Variants in KPNB1 observed in about 807,000 individuals in gnomAD.
KPNB1 encodes karyopherin subunit beta 1.
KPNB1 carries 7 observed loss-of-function variants against 113.0 expected under a neutral mutation model. The ratio of observed to expected loss-of-function variants is 0.06; its 90% confidence interval spans 0.04 to 0.12. The LOEUF is 0.12. Among genes scored for constraint, KPNB1 ranks in the 10% least tolerant of loss-of-function variants. KPNB1 has a pLI of 1.00. For synonymous variants in KPNB1, 363 were observed against 378.6 expected (o/e 0.96, Z 0.48); for missense variants, 400 against 1,054.8 (o/e 0.38, Z 8.60).
At chr17:47,668,516 TTATCTC>T (rs1400838193) in intron 10 of KPNB1, 106 bp downstream of exon 10, 18 of 848,496 alleles carry the variant, frequency 2.1e-5, no homozygotes, top group Non-Finnish European at 3.2e-5. Context: ...TCTACAAAGA[TTATCTC>T]TAGATACTTG....
chr17:47,655,146 G>A (rs908321570), intron 3 of KPNB1, among the ~76,000 whole-genome samples: 1 of 152,188 alleles, frequency 6.6e-6, no homozygotes, highest in African/African-American at 2.4e-5. Context: ...TTTGTCCCGT[G>A]TTCATGCCAG....
rs540604915 is a variant in KPNB1, at chr17:47,674,626, C to T, written c.1768-12C>T. ...GGAATCAACTGATCTTGAACTCTTA[C>T]TCATTTCACAGAATGTTCTTCGGAA... On this transcript the variant is annotated splice_polypyrimidine_tract_variant and intron_variant, in intron 14 of 21. Transcript: ENST00000290158. 1.2e-6 allele frequency: 2 copies of T among 1,610,886 alleles called. No homozygotes were observed. Among genetic ancestry groups the T allele is most frequent in the East Asian group, 2.2e-5 (1 of 44,840 alleles).
intron 10 of KPNB1, among the ~76,000 whole-genome samples, chr17:47,669,424 CTCTA>C (rs1474529183): frequency 3.3e-5 from 5 of 152,160 alleles, no homozygotes; most frequent in African/African-American, 9.7e-5. Context: ...CATGCCCGGC[CTCTA>C]TCTGAGTAAT....
chr17:47,683,520 A>G lies in KPNB1; in HGVS notation c.*1116A>G, dbSNP rs2030859005. 6.5e-6 allele frequency: 1 copy of G among 152,722 alleles called. No individual in the cohort carries two copies. Among genetic ancestry groups the G allele is most frequent in the South Asian group, 2.1e-4 (1 of 4,830 alleles). 9.5% of individuals were successfully genotyped at this position (152,722 alleles called of 1,614,324 possible). ...TGTGCCAAAGAGTTTAGAAAAATAA[A>G]TATACAATAAAAGTAAACACATACA... On this transcript the variant is annotated 3_prime_UTR_variant, in exon 22 of 22. Coordinates refer to ENST00000290158, the MANE Select transcript of KPNB1 (RefSeq NM_002265.6).
intron 3 of KPNB1, among the ~76,000 whole-genome samples, chr17:47,654,759 G>A (rs547049654): frequency 6.6e-6 from 1 of 152,244 alleles, no homozygotes; most frequent in South Asian, 2.1e-4. Flanking sequence ...AGGTAGAATG[G>A]GATTCAGTGC....
chr17:47,677,729 C>T (rs1434517444), intron 17 of KPNB1, among the ~76,000 whole-genome samples: 1 of 152,198 alleles, frequency 6.6e-6, no homozygotes, highest in African/African-American at 2.4e-5. Context: ...GAGAAATCAT[C>T]AAACCATCAT....
chr17:47,650,946 T>A (rs1338511830), intron 2 of KPNB1, among the ~76,000 whole-genome samples: 2 of 152,202 alleles, frequency 1.3e-5, no homozygotes. Flanking sequence ...TCTGTACTCA[T>A]GGCCAGGCCT....
At chr17:47,650,662 G>A (rs529970619) in intron 2 of KPNB1, among the ~76,000 whole-genome samples, 1 of 151,620 alleles carries the variant, frequency 6.6e-6, no homozygotes, top group African/African-American at 2.4e-5. Flanking sequence ...CCAATGGCTT[G>A]GCGCGCCGAG....
intron 9 of KPNB1, 99 bp from the exon 10 acceptor site, chr17:47,668,087 A>G (rs2030345725): frequency 2.4e-6 from 2 of 846,958 alleles, no homozygotes; most frequent in Non-Finnish European, 3.8e-6. Context: ...ATTTCCCTGG[A>G]GTTTAAGTTC....
chr17:47,681,165 G>C (rs528169969), intron 21 of KPNB1, among the ~76,000 whole-genome samples: 2 of 151,790 alleles, frequency 1.3e-5, no homozygotes, highest in South Asian at 4.2e-4. Flanking sequence ...TGCCTCCTGG[G>C]TTTGAGCAAT....
At position 47,676,301 on chromosome 17, in the gene KPNB1, C is replaced by T. The variant is rs2030613188; in HGVS notation, c.1913-108C>T. The T allele has an allele frequency of 6.3e-6, 5 of 798,042 alleles. No homozygotes were observed. In the Admixed American group the frequency reaches 1.0e-4, roughly 16 times the overall value. 49.4% of individuals were successfully genotyped at this position (798,042 alleles called of 1,614,324 possible). On this transcript the variant is annotated intron_variant, in intron 15 of 21. Coordinates refer to ENST00000290158, the MANE Select transcript of KPNB1 (RefSeq NM_002265.6). The stretch of plus-strand genomic sequence containing the variant: ...GTAACTAAAGCACATTTCACCCAAC[C>T]TGTTGAGTGGAGCGAGTACATTTTG...
Position 47,674,621 on chromosome 17 carries a change from T to C in KPNB1, c.1768-17T>C, listed in dbSNP as rs189636968. ...GATTTGGAATCAACTGATCTTGAAC[T>C]CTTACTCATTTCACAGAATGTTCTT... On this transcript the variant is annotated splice_polypyrimidine_tract_variant and intron_variant, in intron 14 of 21. Coordinates refer to ENST00000290158, the MANE Select transcript of KPNB1 (RefSeq NM_002265.6). 13 of 1,610,554 alleles carry C rather than the reference T, an allele frequency of 8.1e-6. No homozygotes were observed. Among genetic ancestry groups the C allele is most frequent in the East Asian group, 2.2e-5 (1 of 44,846 alleles).
chr17:47,669,395 T>G (rs2030385453), intron 10 of KPNB1, among the ~76,000 whole-genome samples: 1 of 152,218 alleles, frequency 6.6e-6, no homozygotes, highest in African/African-American at 2.4e-5. Flanking sequence ...GTGCTGGGAT[T>G]ACAGGCATGA....
At position 47,678,054 on chromosome 17, in the gene KPNB1, C is replaced by T. The variant is rs765682540; in HGVS notation, c.2112C>T (p.Asn704=). 30 of 1,613,108 alleles carry T rather than the reference C, an allele frequency of 1.9e-5. No individual in the cohort carries two copies. Among genetic ancestry groups the T allele is most frequent in the Non-Finnish European group, 2.3e-5 (27 of 1,179,726 alleles). Residue 704 remains asparagine (N), a synonymous_variant, in exon 18 of 22, where the codon AAC becomes AAT. Coordinates refer to ENST00000290158, the MANE Select transcript of KPNB1 (RefSeq NM_002265.6). ...QLLLENLGNE[N]VHRSVKPQIL... ...CTTTTGTTCCTTGTCAGAATGAGAA[C>T]GTCCACAGGTCTGTGAAGCCGCAGA...
chr17:47,677,749 A>C (rs1413328003), intron 17 of KPNB1, among the ~76,000 whole-genome samples: 1 of 152,182 alleles, frequency 6.6e-6, no homozygotes, highest in Non-Finnish European at 1.5e-5. Context: ...TGAGCAGGGG[A>C]CCATTTGTAT....
chr17:47,681,496 C>T (rs1029933638), intron 21 of KPNB1, among the ~76,000 whole-genome samples: 2 of 151,050 alleles, frequency 1.3e-5, no homozygotes, highest in Admixed American at 1.3e-4. Context: ...CTGGTCTTGA[C>T]CTCCTGACCT....
At position 47,650,462 on chromosome 17, in the gene KPNB1, G is replaced by GCGCCCATCC; in HGVS notation, c.99+23_99+31dup. 2 of 1,594,536 alleles carry GCGCCCATCC rather than the reference G, an allele frequency of 1.3e-6. No individual in the cohort carries two copies. Among genetic ancestry groups the GCGCCCATCC allele is most frequent in the Non-Finnish European group, 1.7e-6 (2 of 1,172,446 alleles). ...AGAACCTGGTGCGTGCTACCCCGCC[G>GCGCCCATCC]CGCCCATCCCGCCGCGTCCCCATCC... On this transcript the variant is annotated intron_variant, in intron 2 of 21. Transcript: ENST00000290158.
Position 47,678,186 on chromosome 17 carries a change from C to T in KPNB1, c.2244C>T (p.Asp748=). 1 of 1,614,126 alleles carries T rather than the reference C, an allele frequency of 6.2e-7. No homozygotes were observed. The highest frequency in any genetic ancestry group is 8.5e-7 in the Non-Finnish European group (1 of 1,180,000). Reference sequence around the variant, plus strand: ...AGCAGGCCTCCCAAGCCCAGGTGGACAAGGTAAGCTTAAAGCTATCTTGGC... The same window carrying T: ...AGCAGGCCTCCCAAGCCCAGGTGGATAAGGTAAGCTTAAAGCTATCTTGGC... The part of the protein sequence containing the change: ...TLQQASQAQV[D]KSDYDMVDYL... The change falls in exon 18 of 22, where the codon GAC becomes GAT. Residue 748 remains aspartate (D), a synonymous_variant. Transcript: ENST00000290158.
chr17:47,680,504 A>G lies in KPNB1; in HGVS notation c.2469-4A>G, dbSNP rs759422873. 6.2e-7 allele frequency: 1 copy of G among 1,614,094 alleles called. No individual in the cohort carries two copies. ...TCATTCTCAGCTGTGTTTGTTTTGC[A>G]CAGGGACTTATGTACAGCATTTGGG... On this transcript the variant is annotated splice_region_variant and splice_polypyrimidine_tract_variant and intron_variant, in intron 20 of 21. Transcript: ENST00000290158.
Sources: allele counts gnomAD v4.1 joint callset (sites outside exome capture counted in the v4.1 genomes callset), GRCh38; gene constraint gnomAD v4.1.1; transcripts MANE v1.5; gene names NCBI Gene and HGNC (gene_info 2026-07-23, HGNC 2026-07-21).